MINDY2: variants seen among roughly 807,000 people sequenced by gnomAD.
The protein encoded by MINDY2 is ubiquitin carboxyl-terminal hydrolase MINDY-2.
Under a neutral mutation model 68.2 loss-of-function variants are expected in MINDY2, and 52 were observed. That is an observed-to-expected ratio of 0.76 (90% CI 0.61 to 0.96). The LOEUF is 0.96. Ranked by LOEUF, MINDY2 falls within the 40% of genes least tolerant of loss-of-function variation. MINDY2 has a pLI of 0.00. For missense variants in MINDY2, 881 were observed against 773.4 expected (o/e 1.14, Z -1.65); for synonymous variants, 372 against 303.0 (o/e 1.23, Z -2.36).
chr15:58,780,521 G>T (rs1478201993), intron 1 of MINDY2, among the ~76,000 whole-genome samples: 1 of 152,204 alleles, frequency 6.6e-6, no homozygotes, highest in African/African-American at 2.4e-5. Context: ...GGAAGATAAA[G>T]TTCAAGATAG....
intron 8 of MINDY2, among the ~76,000 whole-genome samples, chr15:58,854,110 G>A (rs1303470481): frequency 2.0e-5 from 3 of 152,122 alleles, no homozygotes; most frequent in African/African-American, 7.2e-5. Context: ...CAGGCGTGGT[G>A]GCAGGTGCCT....
intron 4 of MINDY2, among the ~76,000 whole-genome samples, chr15:58,814,387 T>C (rs1466807312): frequency 6.6e-6 from 1 of 151,754 alleles, no homozygotes; most frequent in Non-Finnish European, 1.5e-5. Flanking sequence ...GTTTTGTTTT[T>C]GGTTTTGTTT....
At chr15:58,791,215 T>TTATTTATATATA (rs1555428769) in intron 2 of MINDY2, among the ~76,000 whole-genome samples, 1 of 79,586 alleles carries the variant, frequency 1.3e-5, no homozygotes. Context: ...GAAAGCAATT[T>TTATTTATATATA]TATATATATA....
intron 3 of MINDY2, among the ~76,000 whole-genome samples, chr15:58,804,809 A>C (rs936682864): frequency 2.6e-5 from 4 of 151,920 alleles, no homozygotes; most frequent in Non-Finnish European, 5.9e-5. Context: ...CTGTTACAAA[A>C]AAAAAAAAGA....
rs1479136921 is a variant in MINDY2 at position 58,859,438 on chromosome 15, G to A, written c.*4828G>A. 1 of 152,122 alleles carries A rather than the reference G, an allele frequency of 6.6e-6. No homozygotes were observed. The highest frequency in any genetic ancestry group is 1.5e-5 in the Non-Finnish European group (1 of 67,988). 9.4% of individuals were successfully genotyped at this position (152,122 alleles called of 1,614,324 possible). A position where few individuals can be genotyped will look rare whatever the true frequency, so the allele number is the denominator to read the frequency against. On this transcript the variant is annotated 3_prime_UTR_variant, in exon 9 of 9. Transcript: ENST00000559228. ...GTAAAATGTTATTTGATAATGTGAA[G>A]TTAAATCCCTTTTAGAAAGTGACTG... is the stretch of plus-strand genomic sequence containing the variant.
At chr15:58,849,492 A>C (rs2032709856) in intron 7 of MINDY2, among the ~76,000 whole-genome samples, 1 of 152,050 alleles carries the variant, frequency 6.6e-6, no homozygotes, top group Non-Finnish European at 1.5e-5. Context: ...ACGACAGAGC[A>C]AGACTCCGTC....
At chr15:58,829,432 T>C (rs2141015930) in intron 5 of MINDY2, among the ~76,000 whole-genome samples, 1 of 152,354 alleles carries the variant, frequency 6.6e-6, no homozygotes, top group East Asian at 1.9e-4. Flanking sequence ...TTTGATGTCC[T>C]TGGGCAAGTC....
intron 6 of MINDY2, among the ~76,000 whole-genome samples, chr15:58,833,695 G>A (rs185097202): frequency 1.3e-5 from 2 of 152,124 alleles, no homozygotes; most frequent in Non-Finnish European, 2.9e-5. Flanking sequence ...ATTGCTGCCA[G>A]CATGTCCCAT....
intron 8 of MINDY2, 77 bp from the exon 9 acceptor site, chr15:58,854,405 G>C: frequency 6.6e-7 from 1 of 1,513,016 alleles, no homozygotes; most frequent in South Asian, 1.3e-5. Context: ...CACTGTTACA[G>C]TTTTCCTTTC....
intron 1 of MINDY2, among the ~76,000 whole-genome samples, chr15:58,780,887 C>T (rs1333378997): frequency 1.3e-5 from 2 of 152,100 alleles, no homozygotes; most frequent in African/African-American, 4.8e-5. Flanking sequence ...ACCTTAGTAG[C>T]CTTCAAAATG....
In MINDY2 at chr15:58,781,290, G is replaced by T. The variant is rs541221447; in HGVS notation, c.841-6616G>T. On this transcript the variant is annotated intron_variant, in intron 1 of 8. Coordinates refer to ENST00000559228, the MANE Select transcript of MINDY2 (RefSeq NM_001040450.3). ...TGGTCTTGAACTCCTGACCTCAGGCGATCAGCCCACCTTGGCCTCCCAAAG... is the reference window on the plus strand; with the variant it reads ...TGGTCTTGAACTCCTGACCTCAGGCTATCAGCCCACCTTGGCCTCCCAAAG... Among the ~76,000 whole-genome samples the T allele has an allele frequency of 9.2e-5, 14 of 152,132 alleles. No homozygotes were observed. The East Asian group carries it at 2.7e-3, about 30-fold the overall frequency.
chr15:58,855,673 C>T lies in MINDY2; in HGVS notation c.*1063C>T, dbSNP rs2033036076. On this transcript the variant is annotated 3_prime_UTR_variant, in exon 9 of 9. Transcript: ENST00000559228. ...CAGTGGCTCACGCCTGTAATCCCAA[C>T]ATTTTGGGAGGCCAAGGTGGGCGGA... 6.6e-6 allele frequency: 1 copy of T among 152,474 alleles called. No homozygotes were observed. Among genetic ancestry groups the T allele is most frequent in the Non-Finnish European group, 1.5e-5 (1 of 68,068 alleles). The allele number at this position is 152,474 out of a possible 1,614,324, so 9.4% of individuals were successfully genotyped here.
In MINDY2 at chr15:58,851,931, C is replaced by G; in HGVS notation, c.1703C>G (p.Ala568Gly). The G allele has an allele frequency of 6.3e-7, 1 of 1,591,218 alleles. No homozygotes were observed. Among genetic ancestry groups the G allele is most frequent in the East Asian group, 2.2e-5 (1 of 44,472 alleles). Residue 568 changes from alanine (A) to glycine (G), a missense_variant, in exon 8 of 9, where the codon GCA becomes GGA. By Grantham distance (60) the Ala-to-Gly change is moderately conservative (BLOSUM62 0). Transcript: ENST00000559228. The stretch of plus-strand genomic sequence containing the variant: ...TACTATCAGGAACAGGAACAAGCAG[C>G]AGCTGCTGCTGCTGCTGCTTCTACA... ...SQYYQEQEQA[A>G]AAAAAASTQA...
At chr15:58,781,618 A>T (rs550672775) in intron 1 of MINDY2, among the ~76,000 whole-genome samples, 8 of 151,902 alleles carry the variant, frequency 5.3e-5, no homozygotes, top group Non-Finnish European at 1.2e-4. Flanking sequence ...TGAAATACTG[A>T]TGGTGGCGAA....
At chr15:58,796,316 G>A (rs1464153368) in intron 2 of MINDY2, 1 of 340,684 alleles carries the variant, frequency 2.9e-6, no homozygotes, top group Non-Finnish European at 5.9e-6. Flanking sequence ...GTGGAAATAT[G>A]TAAGGCATAT....
chr15:58,859,733 G>A lies in MINDY2; in HGVS notation c.*5123G>A, dbSNP rs1483515806. On this transcript the variant is annotated 3_prime_UTR_variant, in exon 9 of 9. Transcript: ENST00000559228. Reference sequence around the variant, plus strand: ...AATATCTATCTAAATTTTAGTTCATGCATGTTCTTACTTAATCCTGGTGTT... The same window carrying A: ...AATATCTATCTAAATTTTAGTTCATACATGTTCTTACTTAATCCTGGTGTT... 1 of 152,154 alleles carries A rather than the reference G, an allele frequency of 6.6e-6. No homozygotes were observed. Among genetic ancestry groups the A allele is most frequent in the Non-Finnish European group, 1.5e-5 (1 of 68,026 alleles). The allele number at this position is 152,154 out of a possible 1,614,324, so 9.4% of individuals were successfully genotyped here.
In MINDY2 at chr15:58,857,030, A is replaced by G. The variant is rs1321698546; in HGVS notation, c.*2420A>G. 1 of 152,236 alleles carries G rather than the reference A, an allele frequency of 6.6e-6. No homozygotes were observed. The highest frequency in any genetic ancestry group is 1.5e-5 in the Non-Finnish European group (1 of 68,036). 9.4% of individuals were successfully genotyped at this position (152,236 alleles called of 1,614,324 possible). On this transcript the variant is annotated 3_prime_UTR_variant, in exon 9 of 9. Coordinates refer to ENST00000559228, the MANE Select transcript of MINDY2 (RefSeq NM_001040450.3). ...CTATCAGATAAGTAGATGTCAATGTATACTTACAAGGAAAAACTAAAAAAT... is the reference window on the plus strand; with the variant it reads ...CTATCAGATAAGTAGATGTCAATGTGTACTTACAAGGAAAAACTAAAAAAT...
intron 5 of MINDY2, 35 bp from the exon 6 acceptor site, chr15:58,831,739 A>C: frequency 1.3e-6 from 2 of 1,554,640 alleles, no homozygotes; most frequent in South Asian, 2.4e-5. Context: ...TTTTGAAATT[A>C]TTCTTCTATC....
chr15:58,839,666 A>C (rs1257063234), intron 6 of MINDY2, among the ~76,000 whole-genome samples: 4 of 152,140 alleles, frequency 2.6e-5, no homozygotes, highest in African/African-American at 9.7e-5. Context: ...TCTATACACC[A>C]AAGTGGTGTT....
Sources: gnomAD v4.1 joint callset for allele counts (sites outside exome capture counted in the v4.1 genomes callset) on GRCh38, gnomAD v4.1.1 for gene constraint, MANE v1.5 for transcripts, NCBI Gene and HGNC (gene_info 2026-07-23, HGNC 2026-07-21) for gene names.